DSCAM: variants seen among roughly 807,000 people sequenced by gnomAD.
The protein encoded by DSCAM is cell adhesion molecule DSCAM.
A neutral mutation model predicts 217.7 loss-of-function variants in DSCAM; 47 were observed. The ratio of observed to expected loss-of-function variants is 0.22; its 90% confidence interval spans 0.17 to 0.28. DSCAM has a LOEUF of 0.28. DSCAM is among the 10% of genes least tolerant of loss of function. The pLI is 1.00. For synonymous variants in DSCAM, 1,056 were observed against 1,015.3 expected, an observed-to-expected ratio of 1.04 and a Z score of -0.76; for missense variants, 2,080 against 2,618.3, an observed-to-expected ratio of 0.79 and a Z score of 4.49.
intron 11 of DSCAM, among the ~76,000 whole-genome samples, chr21:40,214,138 G>A (rs1233775706): frequency 1.3e-5 from 2 of 152,182 alleles, no homozygotes; most frequent in African/African-American, 4.8e-5. Context: ...TTGCTCCTAA[G>A]GATTTCAGGT....
At chr21:40,296,567 C>T (rs2073956244) in intron 9 of DSCAM, among the ~76,000 whole-genome samples, 2 of 152,146 alleles carry the variant, frequency 1.3e-5, no homozygotes, top group Non-Finnish European at 1.5e-5. Flanking sequence ...CGCGGTGGCT[C>T]ATGCCTGTAA....
intron 18 of DSCAM, among the ~76,000 whole-genome samples, chr21:40,137,809 A>G (rs2090231647): frequency 6.6e-6 from 1 of 152,212 alleles, no homozygotes; most frequent in Admixed American, 6.5e-5. Flanking sequence ...TTTAAGGCAG[A>G]AAACAATAGG....
chr21:40,109,573 G>C (rs1426037343), intron 20 of DSCAM, among the ~76,000 whole-genome samples: 1 of 152,210 alleles, frequency 6.6e-6, no homozygotes, highest in Non-Finnish European at 1.5e-5. Flanking sequence ...AGTGGACGCA[G>C]GACAGCGGGT....
chr21:40,288,209 C>T (rs1225297654), intron 10 of DSCAM, among the ~76,000 whole-genome samples: 8 of 152,102 alleles, frequency 5.3e-5, no homozygotes, highest in African/African-American at 1.7e-4. Context: ...GATGCCGTAG[C>T]TTATAAAAAT....
chr21:40,129,808 A>C (rs1181377689), intron 19 of DSCAM, among the ~76,000 whole-genome samples: 1 of 152,196 alleles, frequency 6.6e-6, no homozygotes, highest in Non-Finnish European at 1.5e-5. Flanking sequence ...AGGTGTGGTC[A>C]CATAGTCACC....
intron 3 of DSCAM, among the ~76,000 whole-genome samples, chr21:40,525,009 C>CAAAAAAAAAAAAAAAAAA (rs58427418): frequency 5.9e-4 from 33 of 56,088 alleles, no homozygotes; most frequent in South Asian, 3.1e-3. Flanking sequence ...GACTCAGTCT[C>CAAAAAAAAAAAAAAAAAA]AAAAAAAAAA....
intron 3 of DSCAM, among the ~76,000 whole-genome samples, chr21:40,400,095 C>T (rs1021220129): frequency 1.3e-5 from 2 of 152,118 alleles, no homozygotes; most frequent in Non-Finnish European, 2.9e-5. Flanking sequence ...CTCCCTGTTC[C>T]GGGAGCACCT....
At chr21:40,130,578 TGA>T (rs1217092005) in intron 19 of DSCAM, among the ~76,000 whole-genome samples, 9 of 152,160 alleles carry the variant, frequency 5.9e-5, no homozygotes, top group African/African-American at 1.9e-4. Flanking sequence ...TCCATGGCCC[TGA>T]GGCTCCGACC....
intron 3 of DSCAM, among the ~76,000 whole-genome samples, chr21:40,649,000 C>T (rs953945068): frequency 3.9e-5 from 6 of 152,192 alleles, no homozygotes; most frequent in Non-Finnish European, 5.9e-5. Context: ...CTGAGCAAGG[C>T]CCAGGCAGGG....
chr21:40,527,028 T>G (rs2076406097), intron 3 of DSCAM, among the ~76,000 whole-genome samples: 1 of 152,082 alleles, frequency 6.6e-6, no homozygotes, highest in South Asian at 2.1e-4. Context: ...TGCTGTTCCA[T>G]CCCTCTGATC....
chr21:40,832,471 G>A (rs1040621862), intron 1 of DSCAM, among the ~76,000 whole-genome samples: 6 of 152,126 alleles, frequency 3.9e-5, no homozygotes, highest in South Asian at 2.1e-4. Flanking sequence ...CACAATATTC[G>A]AAGGGGTATG....
chr21:40,476,229 G>C (rs72495589), intron 3 of DSCAM, among the ~76,000 whole-genome samples: 1 of 152,102 alleles, frequency 6.6e-6, no homozygotes, highest in Non-Finnish European at 1.5e-5. Context: ...AAGGTATATC[G>C]ATAATTTTAG....
At chr21:40,399,663 A>G (rs1656205832) in intron 3 of DSCAM, among the ~76,000 whole-genome samples, 1 of 152,224 alleles carries the variant, frequency 6.6e-6, no homozygotes, top group South Asian at 2.1e-4. Context: ...ACTGCCTAGC[A>G]ATGTGCTCAG....
intron 10 of DSCAM, among the ~76,000 whole-genome samples, chr21:40,293,693 A>C (rs1194020064): frequency 3.3e-5 from 5 of 152,130 alleles, no homozygotes; most frequent in African/African-American, 1.2e-4. Context: ...TTGGTGGTGT[A>C]CACCTGTAAT....
intron 1 of DSCAM, among the ~76,000 whole-genome samples, chr21:40,755,378 A>G (rs975654567): frequency 6.6e-6 from 1 of 152,206 alleles, no homozygotes; most frequent in Non-Finnish European, 1.5e-5. Flanking sequence ...CCCGGGAGGC[A>G]GAGTTTGCAG....
At chr21:40,488,678 G>C (rs1227957548) in intron 3 of DSCAM, among the ~76,000 whole-genome samples, 1 of 152,134 alleles carries the variant, frequency 6.6e-6, no homozygotes. Flanking sequence ...CCTCTCACCT[G>C]GGAGGGATAT....
chr21:40,798,074 A>G (rs951809059), intron 1 of DSCAM, among the ~76,000 whole-genome samples: 2 of 152,108 alleles, frequency 1.3e-5, no homozygotes, highest in Non-Finnish European at 2.9e-5. Flanking sequence ...TTCAGCCTGG[A>G]GCCGCTTTAA....
intron 1 of DSCAM, among the ~76,000 whole-genome samples, chr21:40,827,468 CAAAAA>C: frequency 1.8e-5 from 1 of 57,130 alleles, no homozygotes; most frequent in South Asian, 8.1e-4. Flanking sequence ...GTCCATGTCT[CAAAAA>C]AAAAAAAAAA....
rs117650054 is a variant in DSCAM, at chr21:40,796,264, T to A, written c.43+50355A>T. On this transcript the variant is annotated intron_variant, in intron 1 of 32. Coordinates refer to ENST00000400454, the MANE Select transcript of DSCAM (RefSeq NM_001389.5). ...CAATAGCATGTGAGTGGACATGACA[T>A]CGGCAAATCCGAGCAGAAGTTTTAG... Among the ~76,000 whole-genome samples the A allele has an allele frequency of 2.9e-4, 44 of 152,286 alleles. 1 individual carries two copies. The East Asian group carries it at 8.3e-3, about 29-fold the overall frequency.
Sources: gnomAD v4.1 joint callset for allele counts (sites outside exome capture counted in the v4.1 genomes callset) on GRCh38, gnomAD v4.1.1 for gene constraint, MANE v1.5 for transcripts, NCBI Gene and HGNC (gene_info 2026-07-23, HGNC 2026-07-21) for gene names.